MTCL2: variants seen among roughly 807,000 people sequenced by gnomAD.
MTCL2 encodes the protein microtubule cross-linking factor 2.
At chr20:36,849,306 G>A in the MTCL2 span, among the ~76,000 whole-genome samples, 9 of 151,856 alleles carry the variant, frequency 5.9e-5, no homozygotes, top group East Asian at 9.7e-4. Flanking sequence ...TAATCCACCC[G>A]CCTCGGCCTC....
chr20:36,808,814 A>C, the MTCL2 span: 2 of 1,392,276 alleles, frequency 1.4e-6, no homozygotes, highest in Non-Finnish European at 1.9e-6. Flanking sequence ...GGGCCCCTGG[A>C]CAGGGGCAGG....
chr20:36,785,150 C>G, the MTCL2 span: 1 of 985,250 alleles, frequency 1.0e-6, no homozygotes, highest in African/African-American at 1.7e-5. Flanking sequence ...GTTCTGAGGC[C>G]ACATGGCCAG....
the MTCL2 span, among the ~76,000 whole-genome samples, chr20:36,842,993 G>A: frequency 1.3e-5 from 2 of 152,134 alleles, no homozygotes; most frequent in Non-Finnish European, 2.9e-5. Context: ...GGAAAGGAAG[G>A]GACTGGGAAG....
chr20:36,812,594 C>T, the MTCL2 span: 6 of 1,438,898 alleles, frequency 4.2e-6, no homozygotes, highest in East Asian at 9.4e-5. Flanking sequence ...AATGGAATGC[C>T]CCAAACCCAT....
the MTCL2 span, among the ~76,000 whole-genome samples, chr20:36,813,121 A>G: frequency 6.6e-6 from 1 of 152,188 alleles, no homozygotes; most frequent in South Asian, 2.1e-4. Context: ...CTTTTGAGTC[A>G]GCCCAAACTG....
the MTCL2 span, among the ~76,000 whole-genome samples, chr20:36,838,974 GA>G: frequency 0.32 from 46,042 of 144,316 alleles, 7,664 homozygotes; most frequent in Middle Eastern, 0.43. Context: ...TGTCTCAAAG[GA>G]AAAAAAAAAA....
chr20:36,777,791 G>A, the MTCL2 span: 1 of 612,810 alleles, frequency 1.6e-6, no homozygotes, highest in South Asian at 2.0e-5. Flanking sequence ...ATTGGCGGGG[G>A]CTGGGGAGGG....
At chr20:36,832,371 C>T in the MTCL2 span, among the ~76,000 whole-genome samples, 1 of 152,324 alleles carries the variant, frequency 6.6e-6, no homozygotes, top group South Asian at 2.1e-4. Flanking sequence ...TACCAGTCCC[C>T]ATCAAGAAGT....
At chr20:36,810,752 CTT>C in the MTCL2 span, among the ~76,000 whole-genome samples, 3 of 147,588 alleles carry the variant, frequency 2.0e-5, no homozygotes, top group East Asian at 2.0e-4. Flanking sequence ...CTCTCTCTCT[CTT>C]TCAACGGAGT....
At chr20:36,859,848 T>C in the MTCL2 span, 3 of 1,231,522 alleles carry the variant, frequency 2.4e-6, no homozygotes, top group Non-Finnish European at 3.0e-6. Context: ...AGAGGCAAAG[T>C]AGTCCAGAAA....
At chr20:36,810,072 G>C in the MTCL2 span, 2 of 1,598,742 alleles carry the variant, frequency 1.3e-6, no homozygotes, top group East Asian at 4.5e-5. Context: ...GGAGGCTGTC[G>C]TGGGCCTCAG....
the MTCL2 span, among the ~76,000 whole-genome samples, chr20:36,833,338 G>A: frequency 6.6e-6 from 1 of 152,256 alleles, no homozygotes; most frequent in East Asian, 1.9e-4. Context: ...GAGATACTAA[G>A]GGAGGCGCGG....
At chr20:36,816,494 G>A in the MTCL2 span, among the ~76,000 whole-genome samples, 1 of 151,998 alleles carries the variant, frequency 6.6e-6, no homozygotes, top group South Asian at 2.1e-4. Flanking sequence ...GCAAGGATGG[G>A]GCGCCACACA....
the MTCL2 span, chr20:36,785,171 G>A: frequency 1.0e-6 from 1 of 985,438 alleles, no homozygotes. Context: ...CCGTGTTGGG[G>A]TGCAGGGCTC....
At chr20:36,818,969 A>G in the MTCL2 span, among the ~76,000 whole-genome samples, 1 of 152,264 alleles carries the variant, frequency 6.6e-6, no homozygotes, top group Admixed American at 6.5e-5. Context: ...CTCCTGTTAG[A>G]TAAATGCAAA....
the MTCL2 span, among the ~76,000 whole-genome samples, chr20:36,830,617 T>C: frequency 6.6e-6 from 1 of 152,168 alleles, no homozygotes; most frequent in African/African-American, 2.4e-5. Flanking sequence ...GGGATTGAGC[T>C]GCAGTGGAAA....
the MTCL2 span, among the ~76,000 whole-genome samples, chr20:36,827,816 T>C: frequency 1.3e-5 from 2 of 152,092 alleles, no homozygotes; most frequent in African/African-American, 4.8e-5. Flanking sequence ...CTTTCAGAAA[T>C]TGTCTCCCCT....
the MTCL2 span, chr20:36,794,511 G>A: frequency 6.2e-7 from 1 of 1,614,060 alleles, no homozygotes; most frequent in Non-Finnish European, 8.5e-7. This position sits in a 1 kb window ranked among gnomAD's most constrained non-coding sequence, Gnocchi z 5.4. Context: ...TTGTTAGGCA[G>A]CTTCTTGCCC....
chr20:36,782,246 G>C, the MTCL2 span: 1 of 152,188 alleles, frequency 6.6e-6, no homozygotes, highest in Non-Finnish European at 1.5e-5. Flanking sequence ...TCACCCTCTG[G>C]AATACACAAG....
Sources: allele counts gnomAD v4.1 joint callset (sites outside exome capture counted in the v4.1 genomes callset), GRCh38; gene constraint gnomAD v4.1.1; non-coding constraint Gnocchi (gnomAD v3.1); transcripts MANE v1.5; gene names NCBI Gene and HGNC (gene_info 2026-07-23, HGNC 2026-07-21).